TENM4: variants seen among roughly 807,000 people sequenced by gnomAD.
TENM4 encodes the protein teneurin-4.
In TENM4, 82 loss-of-function variants were observed where a neutral mutation model predicts 243.3. That is an observed-to-expected ratio of 0.34 (90% CI 0.28 to 0.40). TENM4 has a LOEUF of 0.40. Among genes scored for constraint, TENM4 ranks in the 10% least tolerant of loss-of-function variants. The probability of loss-of-function intolerance (pLI) is 1.00; values close to 1 mark genes in which losing one functional copy is unlikely to be tolerated. For missense variants in TENM4, 3,138 were observed against 3,673.3 expected (o/e 0.85, Z 3.77); for synonymous variants, 1,412 against 1,456.3 (o/e 0.97, Z 0.69).
intron 33 of TENM4, among the ~76,000 whole-genome samples, chr11:78,659,703 C>T (rs1857983963): frequency 6.6e-6 from 1 of 152,194 alleles, no homozygotes; most frequent in Non-Finnish European, 1.5e-5. Context: ...GCCTCTGCCC[C>T]ACCGTGCTTC....
chr11:79,134,843 T>G (rs1351755832), intron 4 of TENM4, among the ~76,000 whole-genome samples: 2 of 151,902 alleles, frequency 1.3e-5, no homozygotes, highest in African/African-American at 4.8e-5. Flanking sequence ...AAAAATCAAC[T>G]CAAGATGGAT....
At chr11:78,832,589 G>A (rs149441318) in intron 12 of TENM4, among the ~76,000 whole-genome samples, 2 of 152,356 alleles carry the variant, frequency 1.3e-5, no homozygotes, top group African/African-American at 4.8e-5. Flanking sequence ...AAATATGAAA[G>A]AGGAATTTGG....
intron 26 of TENM4, among the ~76,000 whole-genome samples, chr11:78,709,134 ATT>A (rs372114866): frequency 4.8e-5 from 6 of 126,072 alleles, no homozygotes; most frequent in Non-Finnish European, 3.3e-5. Context: ...TGCCTGGCTA[ATT>A]TTTTTTTTTT....
At chr11:78,663,625 C>T (rs995666054) in intron 32 of TENM4, among the ~76,000 whole-genome samples, 2 of 152,280 alleles carry the variant, frequency 1.3e-5, no homozygotes, top group South Asian at 2.1e-4. Flanking sequence ...TGAGCAGATG[C>T]GGCTGCCATG....
chr11:79,021,778 G>A (rs1158538142), intron 6 of TENM4: 2 of 152,218 alleles, frequency 1.3e-5, no homozygotes, highest in African/African-American at 4.8e-5. Flanking sequence ...CATTCAAAGG[G>A]AAAGTGAGAC....
chr11:79,247,992 C>A (rs1336429606), intron 2 of TENM4, among the ~76,000 whole-genome samples: 1 of 152,136 alleles, frequency 6.6e-6, no homozygotes, highest in Non-Finnish European at 1.5e-5. Context: ...CCCTGTCTAC[C>A]CTGATGGCTT....
chr11:78,802,512 G>A (rs770383750), intron 15 of TENM4, among the ~76,000 whole-genome samples: 3 of 152,264 alleles, frequency 2.0e-5, no homozygotes, highest in Non-Finnish European at 4.4e-5. Flanking sequence ...CCAGCTTCCA[G>A]AGGTGAAGTG....
At chr11:79,339,289 AT>A (rs1385957690) in intron 1 of TENM4, among the ~76,000 whole-genome samples, 1 of 152,246 alleles carries the variant, frequency 6.6e-6, no homozygotes, top group Non-Finnish European at 1.5e-5. Context: ...GTCCTCATCT[AT>A]AGGGCCGGCT....
intron 16 of TENM4, among the ~76,000 whole-genome samples, chr11:78,783,988 G>T (rs1013665120): frequency 6.6e-6 from 1 of 152,090 alleles, no homozygotes. Context: ...TCCTGTTTAC[G>T]CAGGTCGGCA....
intron 9 of TENM4, among the ~76,000 whole-genome samples, chr11:78,869,576 A>C (rs1859072662): frequency 6.6e-6 from 1 of 152,164 alleles, no homozygotes; most frequent in Non-Finnish European, 1.5e-5. Context: ...GACATGAGGA[A>C]TTACATATGC....
In TENM4 at chr11:78,712,567, C is replaced by T; in HGVS notation, c.3969G>A (p.Gly1323=). 1 of 1,614,012 alleles carries T rather than the reference C, an allele frequency of 6.2e-7. No homozygotes were observed. The highest frequency in any genetic ancestry group is 1.1e-5 in the South Asian group (1 of 91,078). Residue 1323 remains glycine (G), a synonymous_variant, in exon 26 of 34, where the codon GGG becomes GGA. Transcript: ENST00000278550. ...DLVKNSEVVA[G]TGDQCLPFDD... is the part of the protein sequence containing the mutation. The stretch of plus-strand genomic sequence containing the variant: ...CAAAGGGGAGGCACTGGTCACCTGT[C>T]CCCGCAACCACCTCAGAGTTCTTGA...
At chr11:79,362,050 T>G (rs934725803) in intron 1 of TENM4, among the ~76,000 whole-genome samples, 1 of 152,174 alleles carries the variant, frequency 6.6e-6, no homozygotes, top group Non-Finnish European at 1.5e-5. Flanking sequence ...GCCTTCTGGA[T>G]GAGATTCTTG....
chr11:78,841,663 CT>C (rs902361724), intron 12 of TENM4, among the ~76,000 whole-genome samples: 26 of 152,152 alleles, frequency 1.7e-4, no homozygotes, highest in African/African-American at 3.4e-4. Context: ...GTCTTCCCCC[CT>C]GGCTCCTTTC....
At chr11:79,378,127 A>C (rs1857929166) in intron 1 of TENM4, among the ~76,000 whole-genome samples, 1 of 152,236 alleles carries the variant, frequency 6.6e-6, no homozygotes, top group Non-Finnish European at 1.5e-5. Flanking sequence ...AGCTGCTGGT[A>C]CCACCTGAAA....
At chr11:79,258,846 C>T (rs546495920) in intron 2 of TENM4, among the ~76,000 whole-genome samples, 7 of 152,252 alleles carry the variant, frequency 4.6e-5, no homozygotes, top group East Asian at 1.9e-4. Flanking sequence ...TCATGCAAGC[C>T]GCCCACCTCT....
chr11:79,303,187 C>A (rs983392472), intron 1 of TENM4, among the ~76,000 whole-genome samples: 1 of 152,160 alleles, frequency 6.6e-6, no homozygotes, highest in African/African-American at 2.4e-5. Context: ...CTCTATATAG[C>A]TGAAGATTCC....
At chr11:78,868,319 T>C (rs1270450417) in intron 9 of TENM4, among the ~76,000 whole-genome samples, 1 of 152,198 alleles carries the variant, frequency 6.6e-6, no homozygotes, top group Non-Finnish European at 1.5e-5. Flanking sequence ...ATAAGTAACT[T>C]GATACTGGTT....
At chr11:79,148,859 T>C (rs936215108) in intron 3 of TENM4, 53 bp from the exon 4 acceptor site, 15 of 645,634 alleles carry the variant, frequency 2.3e-5, no homozygotes, top group Non-Finnish European at 2.7e-5. Context: ...GATGCTGTTC[T>C]GATAAGCAGT....
chr11:78,850,061 C>CTGTGTGTG lies in TENM4; in HGVS notation c.1681+4035_1681+4042dup, dbSNP rs142162971. Among the ~76,000 whole-genome samples the CTGTGTGTG allele has an allele frequency of 2.0e-3, 302 of 149,892 alleles. 1 individual carries two copies. Among genetic ancestry groups the CTGTGTGTG allele is most frequent in the Middle Eastern group, 3.4e-3 (1 of 294 alleles). On this transcript the variant is annotated intron_variant, in intron 12 of 33. Coordinates refer to ENST00000278550, the MANE Select transcript of TENM4 (RefSeq NM_001098816.3). ...CTAAAACTTGCTTGGTTTCAGTGCT[C>CTGTGTGTG]TGTGTGTGTGTGTGTGTGTGTGTGT...
Sources: allele counts gnomAD v4.1 joint callset (sites outside exome capture counted in the v4.1 genomes callset), GRCh38; gene constraint gnomAD v4.1.1; transcripts MANE v1.5; gene names NCBI Gene and HGNC (gene_info 2026-07-23, HGNC 2026-07-21).